Variants in PCNX2 observed in about 807,000 individuals in gnomAD.
PCNX2 encodes pecanex 2.
PCNX2 carries 168 observed loss-of-function variants against 223.8 expected under a neutral mutation model. That is an observed-to-expected ratio of 0.75 (90% confidence interval 0.66 to 0.85). The LOEUF is 0.85. PCNX2 is among the 40% of genes least tolerant of loss of function. The pLI is 0.00. For synonymous variants in PCNX2, 1,006 were observed against 1,052.6 expected (o/e 0.96, Z 0.86); for missense variants, 2,507 against 2,675.5 (o/e 0.94, Z 1.39).
chr1:233,190,772 C>T (rs1014226381), intron 15 of PCNX2, among the ~76,000 whole-genome samples: 1 of 152,168 alleles, frequency 6.6e-6, no homozygotes, highest in African/African-American at 2.4e-5. Flanking sequence ...AATCTATTTA[C>T]TCTGATCCAA....
At chr1:233,260,068 G>A (rs1316156586) in intron 4 of PCNX2, among the ~76,000 whole-genome samples, 1 of 152,090 alleles carries the variant, frequency 6.6e-6, no homozygotes, top group African/African-American at 2.4e-5. Flanking sequence ...CGGGGGTCCT[G>A]GAACCAAATC....
chr1:233,060,542 C>T (rs963556240), intron 23 of PCNX2, among the ~76,000 whole-genome samples: 1 of 152,258 alleles, frequency 6.6e-6, no homozygotes. Context: ...GGTGGACTGT[C>T]AGCCACACTG....
chr1:233,134,945 CTT>C, intron 21 of PCNX2, 66 bp downstream of exon 21: 1 of 1,329,260 alleles, frequency 7.5e-7, no homozygotes, highest in Non-Finnish European at 1.1e-6. Flanking sequence ...GTTTTAAACT[CTT>C]AAAACATTTG....
At chr1:233,044,859 G>A (rs1404418085) in intron 25 of PCNX2, among the ~76,000 whole-genome samples, 3 of 151,900 alleles carry the variant, frequency 2.0e-5, no homozygotes, top group Admixed American at 2.0e-4. Context: ...AGTAGAGATG[G>A]GGTTTCACCA....
chr1:233,235,957 A>AATATATATATATAT (rs1553319644), intron 9 of PCNX2, among the ~76,000 whole-genome samples: 34 of 93,082 alleles, frequency 3.7e-4, no homozygotes, highest in South Asian at 3.1e-3. Flanking sequence ...CATAAAAAAA[A>AATATATATATATAT]ATATATATAT....
chr1:233,292,833 T>C (rs1661850957), intron 1 of PCNX2, among the ~76,000 whole-genome samples: 1 of 152,092 alleles, frequency 6.6e-6, no homozygotes, highest in Non-Finnish European at 1.5e-5. Context: ...GGCTATATAT[T>C]AAAAAGTAGC....
chr1:233,293,718 T>C (rs768218993), intron 1 of PCNX2, among the ~76,000 whole-genome samples: 1 of 152,214 alleles, frequency 6.6e-6, no homozygotes, highest in Non-Finnish European at 1.5e-5. Context: ...TACTAAGAAG[T>C]ACTTTCATCT....
chr1:233,118,505 A>AT (rs1675560489), intron 21 of PCNX2, among the ~76,000 whole-genome samples: 1 of 151,758 alleles, frequency 6.6e-6, no homozygotes, highest in African/African-American at 2.4e-5. Context: ...AAAAAAAAAA[A>AT]AAAAAACCCT....
chr1:233,169,644 C>CA lies in PCNX2; in HGVS notation c.3273+8157dup, dbSNP rs200439765. Among the ~76,000 whole-genome samples, 649 of 68,784 alleles carry CA rather than the reference C, an allele frequency of 9.4e-3. 15 individuals carry two copies. The highest frequency in any genetic ancestry group is 0.039 in the East Asian group (84 of 2,150). The allele number at this position is 68,784 out of a possible 152,430, so 45.1% of individuals were successfully genotyped here. On this transcript the variant is annotated intron_variant, in intron 17 of 33. Coordinates refer to ENST00000258229, the MANE Select transcript of PCNX2 (RefSeq NM_014801.4). ...TGGGCGACAGAGCGAAACTCCGTCT[C>CA]AAAAAAAAAAAAAAAATGTGACACA...
chr1:233,118,069 A>C (rs1327152460), intron 21 of PCNX2, among the ~76,000 whole-genome samples: 1 of 152,198 alleles, frequency 6.6e-6, no homozygotes, highest in Non-Finnish European at 1.5e-5. Context: ...TCAGGGATGC[A>C]AGGTTGGTTT....
chr1:233,008,054 A>C (rs527427431), intron 28 of PCNX2, among the ~76,000 whole-genome samples: 2 of 152,306 alleles, frequency 1.3e-5, no homozygotes, highest in East Asian at 3.9e-4. Context: ...GTTGAGCCAC[A>C]ATACTGAAAG....
intron 21 of PCNX2, among the ~76,000 whole-genome samples, chr1:233,098,830 T>C (rs1453997176): frequency 2.0e-5 from 3 of 152,220 alleles, no homozygotes; most frequent in Non-Finnish European, 4.4e-5. Flanking sequence ...TCTGGATCTA[T>C]AAAATGGCGA....
intron 8 of PCNX2, among the ~76,000 whole-genome samples, chr1:233,239,782 T>C (rs1246438522): frequency 6.6e-6 from 1 of 152,232 alleles, no homozygotes; most frequent in Non-Finnish European, 1.5e-5. Flanking sequence ...TTATATTAAA[T>C]AGCAACATAA....
chr1:233,063,141 G>A (rs1222150472), intron 23 of PCNX2, among the ~76,000 whole-genome samples: 1 of 152,120 alleles, frequency 6.6e-6, no homozygotes, highest in Admixed American at 6.5e-5. Context: ...GAAGGTGGAG[G>A]CAGGAGAATC....
chr1:233,299,273 C>A (rs990181005), upstream of PCNX2, among the ~76,000 whole-genome samples: 3 of 152,276 alleles, frequency 2.0e-5, no homozygotes, highest in African/African-American at 7.2e-5. Context: ...ATTTTATTTC[C>A]AAATGATAAT....
intron 25 of PCNX2, among the ~76,000 whole-genome samples, chr1:233,053,962 T>C (rs1307342633): frequency 1.3e-5 from 2 of 152,194 alleles, no homozygotes; most frequent in Non-Finnish European, 2.9e-5. Flanking sequence ...CCCCAAATGA[T>C]GTTCCCCACA....
the PCNX2 span, among the ~76,000 whole-genome samples, chr1:233,320,852 G>A: frequency 3.9e-5 from 6 of 152,060 alleles, no homozygotes; most frequent in Non-Finnish European, 8.8e-5. Flanking sequence ...GGAAAGTCTT[G>A]TAAGTATTTG....
chr1:233,313,158 C>T, the PCNX2 span, among the ~76,000 whole-genome samples: 2 of 152,292 alleles, frequency 1.3e-5, no homozygotes, highest in African/African-American at 4.8e-5. Context: ...AACAGGCAAA[C>T]TTAATTTGCT....
At chr1:233,276,268 T>C (rs1232055108) in intron 1 of PCNX2, among the ~76,000 whole-genome samples, 14 of 152,122 alleles carry the variant, frequency 9.2e-5, no homozygotes, top group Non-Finnish European at 1.5e-4. Context: ...AACTAGAGTA[T>C]TCAAACTCAT....
Sources: gnomAD v4.1 joint callset for allele counts (sites outside exome capture counted in the v4.1 genomes callset) on GRCh38, gnomAD v4.1.1 for gene constraint, MANE v1.5 for transcripts, NCBI Gene and HGNC (gene_info 2026-07-23, HGNC 2026-07-21) for gene names.